FRAS1: variants seen among roughly 807,000 people sequenced by gnomAD.
FRAS1 encodes the protein Fraser extracellular matrix complex subunit 1.
Under a neutral mutation model 435.2 loss-of-function variants are expected in FRAS1, and 290 were observed. The observed-to-expected ratio is 0.67, with a 90% confidence interval of 0.61 to 0.73. The LOEUF is 0.73. FRAS1 is among the 30% of genes least tolerant of loss of function. FRAS1 has a pLI of 0.00. For synonymous variants in FRAS1, 1,800 were observed against 1,851.0 expected, an observed-to-expected ratio of 0.97 and a Z score of 0.71; for missense variants, 4,860 against 5,001.5, an observed-to-expected ratio of 0.97 and a Z score of 0.85.
intron 44 of FRAS1, among the ~76,000 whole-genome samples, chr4:78,448,931 T>A (rs1718937999): frequency 6.6e-6 from 1 of 152,224 alleles, no homozygotes; most frequent in Admixed American, 6.5e-5. Flanking sequence ...GGTGTCTGCA[T>A]CTTACTAGAG....
In FRAS1 at chr4:78,212,069, G is replaced by GTA. The variant is rs919368524; in HGVS notation, c.109-25432_109-25431dup. On this transcript the variant is annotated intron_variant, in intron 2 of 73. Transcript: ENST00000512123. ...AATATTCCATTGGATGCATATGTAT[G>GTA]TATATATATACACATTCATTCATCT... Among the ~76,000 whole-genome samples, 7 of 152,108 alleles carry GTA rather than the reference G, an allele frequency of 4.6e-5. No individual in the cohort carries two copies. The South Asian group carries it at 1.2e-3, about 27-fold the overall frequency.
intron 64 of FRAS1, among the ~76,000 whole-genome samples, chr4:78,512,801 G>A (rs17003296): frequency 0.011 from 1,718 of 152,322 alleles, 38 homozygotes; most frequent in African/African-American, 0.039. Flanking sequence ...GGCGGGGCTG[G>A]ACACGTAGTG....
rs148528635 is a variant in FRAS1, at chr4:78,082,869, G to C, written c.108+16853G>C. Among the ~76,000 whole-genome samples the C allele has an allele frequency of 4.1e-3, 626 of 152,200 alleles. 6 individuals are homozygous for C. The highest frequency in any genetic ancestry group is 0.014 in the African/African-American group (591 of 41,544). The stretch of plus-strand genomic sequence containing the variant: ...CATCTGATTTGCAGAAGTATTGGTT[G>C]TGAGTTATTATAGTAATTTAGTTTC... On this transcript the variant is annotated intron_variant, in intron 2 of 73. Transcript: ENST00000512123.
intron 41 of FRAS1, among the ~76,000 whole-genome samples, chr4:78,443,857 T>C (rs1578327993): frequency 1.3e-5 from 2 of 152,248 alleles, no homozygotes; most frequent in African/African-American, 4.8e-5. Flanking sequence ...CTTAGGCTTT[T>C]TATTTTTTTG....
At chr4:78,118,183 C>T (rs113585616) in intron 2 of FRAS1, among the ~76,000 whole-genome samples, 9,555 of 152,208 alleles carry the variant, frequency 0.063, 818 homozygotes, top group African/African-American at 0.19. Flanking sequence ...CTGATCATTG[C>T]TCTGGAAGTT....
chr4:78,234,744 C>G (rs1724673834), intron 2 of FRAS1, among the ~76,000 whole-genome samples: 1 of 152,148 alleles, frequency 6.6e-6, no homozygotes, highest in Non-Finnish European at 1.5e-5. Context: ...TCCTAAATGA[C>G]TTTGGAGAGG....
Position 78,363,645 on chromosome 4 carries a change from C to T in FRAS1, c.2555C>T (p.Ala852Val). Residue 852 changes from alanine to valine, a missense_variant, in exon 21 of 74, where the codon GCA becomes GTA. Coordinates refer to ENST00000512123, the MANE Select transcript of FRAS1 (RefSeq NM_025074.7). ...CVPDCPSGYY[A>V]ERGACKKCHS... Reference sequence around the variant, plus strand: ...CCTGACTGCCCTTCAGGATACTATGCAGAGAGAGGAGCTTGTAAAAGTGAG... The same window carrying T: ...CCTGACTGCCCTTCAGGATACTATGTAGAGAGAGGAGCTTGTAAAAGTGAG... The T allele has an allele frequency of 6.3e-7, 1 of 1,595,408 alleles. No homozygotes were observed. The highest frequency in any genetic ancestry group is 8.5e-7 in the Non-Finnish European group (1 of 1,170,968).
In FRAS1 at chr4:78,541,054, G is replaced by A; in HGVS notation, c.11969G>A (p.Gly3990Asp). Residue 3990 changes from glycine (G) to aspartate (D), a missense_variant, in exon 74 of 74, where the codon GGT becomes GAT. Physicochemically the swap from Gly to Asp is moderately conservative, Grantham distance 94. Coordinates refer to ENST00000512123, the MANE Select transcript of FRAS1 (RefSeq NM_025074.7). The part of the protein sequence containing the change: ...SEPEAAYTFK[G>D]AKVKRLNLEV... ...CCTGAGGCGGCTTACACGTTCAAAG[G>A]TGCTAAAGTCAAAAGACTGAATCTA... is the stretch of plus-strand genomic sequence containing the variant. 6.9e-7 allele frequency: 1 copy of A among 1,444,922 alleles called. No homozygotes were observed. The highest frequency in any genetic ancestry group is 9.2e-7 in the Non-Finnish European group (1 of 1,092,490). The allele number at this position is 1,444,922 out of a possible 1,614,324, so 89.5% of individuals were successfully genotyped here.
chr4:78,482,104 AAGAGAG>A (rs1720029623), intron 57 of FRAS1, 140 bp downstream of exon 57: 8 of 922,464 alleles, frequency 8.7e-6, no homozygotes, highest in Middle Eastern at 3.2e-4. Flanking sequence ...ATACATAAAC[AAGAGAG>A]TTAACTTAGG....
chr4:78,246,755 A>AC, intron 4 of FRAS1, among the ~76,000 whole-genome samples: 1 of 152,250 alleles, frequency 6.6e-6, no homozygotes. Context: ...GGGAAAAAAA[A>AC]AACCAGACAT....
At chr4:78,503,044 C>T (rs1720728758) in intron 61 of FRAS1, among the ~76,000 whole-genome samples, 1 of 152,174 alleles carries the variant, frequency 6.6e-6, no homozygotes, top group Non-Finnish European at 1.5e-5. Flanking sequence ...TTGAACCAAC[C>T]TTGCATCCCA....
intron 61 of FRAS1, among the ~76,000 whole-genome samples, chr4:78,506,674 G>A (rs1011907701): frequency 1.1e-4 from 17 of 152,174 alleles, no homozygotes; most frequent in African/African-American, 4.1e-4. Context: ...CCCTTGGCTA[G>A]GAAAAGGAAA....
intron 1 of FRAS1, among the ~76,000 whole-genome samples, chr4:78,065,211 A>G (rs1478662030): frequency 6.8e-6 from 1 of 147,494 alleles, no homozygotes; most frequent in Admixed American, 6.9e-5. Flanking sequence ...CTATATATGT[A>G]CTATATATGG....
chr4:78,494,127 GTTGTT>G (rs1322515915), intron 59 of FRAS1, among the ~76,000 whole-genome samples: 1 of 151,940 alleles, frequency 6.6e-6, no homozygotes, highest in Admixed American at 6.6e-5. Context: ...AGAAATGCTT[GTTGTT>G]TTATGTATAC....
intron 1 of FRAS1, among the ~76,000 whole-genome samples, chr4:78,058,848 T>C (rs1470902081): frequency 6.6e-6 from 1 of 152,128 alleles, no homozygotes; most frequent in African/African-American, 2.4e-5. Context: ...GCCAAATAAA[T>C]GAGTCAATAA....
intron 18 of FRAS1, among the ~76,000 whole-genome samples, chr4:78,329,204 C>T (rs1244322423): frequency 6.6e-6 from 1 of 152,148 alleles, no homozygotes; most frequent in East Asian, 1.9e-4. Context: ...GGACAAATAA[C>T]CAAATTGTCC....
At position 78,418,988 on chromosome 4, in the gene FRAS1, C is replaced by T. The variant is rs748887980; in HGVS notation, c.4465C>T (p.Leu1489Phe). 6.2e-7 allele frequency: 1 copy of T among 1,604,532 alleles called. No individual in the cohort carries two copies. Among genetic ancestry groups the T allele is most frequent in the Non-Finnish European group, 8.5e-7 (1 of 1,176,328 alleles). The change falls in exon 33 of 74, where the codon CTC (leucine) becomes TTC (phenylalanine). Residue 1489 changes from leucine (L) to phenylalanine (F), a missense_variant. Coordinates refer to ENST00000512123, the MANE Select transcript of FRAS1 (RefSeq NM_025074.7). ...DGLTVIQPHS[L>F]SFINSEKPSG... ...CCTGACTGTTATTCAGCCTCATTCCCTCTCCTTCATAAACTCTGAGAAGCC... is the reference window on the plus strand; with the variant it reads ...CCTGACTGTTATTCAGCCTCATTCCTTCTCCTTCATAAACTCTGAGAAGCC...
chr4:78,114,006 T>G (rs1231602664), intron 2 of FRAS1, among the ~76,000 whole-genome samples: 1 of 152,220 alleles, frequency 6.6e-6, no homozygotes, highest in African/African-American at 2.4e-5. Context: ...AATTTTTGTA[T>G]AAGGTGTAAG....
chr4:78,235,646 G>A (rs1724719575), intron 2 of FRAS1, among the ~76,000 whole-genome samples: 1 of 152,166 alleles, frequency 6.6e-6, no homozygotes, highest in African/African-American at 2.4e-5. Flanking sequence ...GAATATAAAT[G>A]AGTGCAATAA....
Sources: allele counts gnomAD v4.1 joint callset (sites outside exome capture counted in the v4.1 genomes callset), GRCh38; gene constraint gnomAD v4.1.1; transcripts MANE v1.5; gene names NCBI Gene and HGNC (gene_info 2026-07-23, HGNC 2026-07-21).